The following PRKN variants were observed in gnomAD, a reference collection of about 807,000 sequenced individuals.
PRKN encodes parkin RBR E3 ubiquitin protein ligase.
A neutral mutation model predicts 59.5 loss-of-function variants in PRKN; 56 were observed. The observed-to-expected ratio is 0.94, with a 90% CI of 0.76 to 1.18. The LOEUF is 1.18. PRKN is among the 50% of genes most tolerant of loss of function. PRKN has a pLI of 0.00. For synonymous variants in PRKN, 250 were observed against 222.1 expected, an observed-to-expected ratio of 1.13 and a Z score of -1.12; for missense variants, 657 against 596.4, an observed-to-expected ratio of 1.10 and a Z score of -1.06.
intron 7 of PRKN, among the ~76,000 whole-genome samples, chr6:161,608,318 T>C (rs1782360599): frequency 6.6e-6 from 1 of 152,018 alleles, no homozygotes. Context: ...AATCACTAAA[T>C]CCAAGAAAAA....
intron 2 of PRKN, among the ~76,000 whole-genome samples, chr6:162,328,849 G>C (rs1783433244): frequency 6.6e-6 from 1 of 152,164 alleles, no homozygotes; most frequent in African/African-American, 2.4e-5. Context: ...CTGGGCCAGA[G>C]AGCAGGGGGG....
chr6:161,966,732 G>C (rs1322640679), intron 6 of PRKN, among the ~76,000 whole-genome samples: 1 of 152,250 alleles, frequency 6.6e-6, no homozygotes, highest in Admixed American at 6.5e-5. Flanking sequence ...CACAAGGCTT[G>C]ATGGCCAGAA....
At chr6:162,658,658 C>CAAAAAAAAAAAAAGAAA (rs1778752240) in intron 1 of PRKN, among the ~76,000 whole-genome samples, 1 of 109,108 alleles carries the variant, frequency 9.2e-6, no homozygotes, top group African/African-American at 3.4e-5. Flanking sequence ...GAGACTCTGT[C>CAAAAAAAAAAAAAGAAA]AAAAAAAAAA....
At chr6:162,662,457 T>C (rs1432437077) in intron 1 of PRKN, among the ~76,000 whole-genome samples, 2 of 152,174 alleles carry the variant, frequency 1.3e-5, no homozygotes, top group Non-Finnish European at 2.9e-5. Flanking sequence ...TTGTTTATGT[T>C]GCATTTCATT....
At chr6:161,958,531 G>GT (rs1780266888) in intron 6 of PRKN, among the ~76,000 whole-genome samples, 2 of 152,182 alleles carry the variant, frequency 1.3e-5, no homozygotes, top group South Asian at 4.2e-4. Context: ...TTAAAACTCT[G>GT]TTTTTTCTTT....
intron 4 of PRKN, among the ~76,000 whole-genome samples, chr6:162,055,745 G>C (rs1777830368): frequency 6.6e-6 from 1 of 152,122 alleles, no homozygotes; most frequent in African/African-American, 2.4e-5. Context: ...GACCCAGCTA[G>C]TGTTTAAGTT....
chr6:162,095,848 C>CAAATT (rs1779702387), intron 4 of PRKN, among the ~76,000 whole-genome samples: 1 of 152,110 alleles, frequency 6.6e-6, no homozygotes, highest in Non-Finnish European at 1.5e-5. Flanking sequence ...CTCAGAGGGC[C>CAAATT]ACAGTTTCCT....
intron 1 of PRKN, among the ~76,000 whole-genome samples, chr6:162,546,100 GTT>G (rs11396761): frequency 1.7e-5 from 2 of 116,646 alleles, no homozygotes; most frequent in East Asian, 2.4e-4. Context: ...AGTGTATGCA[GTT>G]TTTTTTTTTT....
chr6:161,726,446 C>A (rs1049428620), intron 7 of PRKN, among the ~76,000 whole-genome samples: 3 of 152,192 alleles, frequency 2.0e-5, no homozygotes, highest in African/African-American at 7.2e-5. Context: ...ATGGCAGGTG[C>A]TTAGTAAGTG....
chr6:161,998,256 ACTC>A lies in PRKN; in HGVS notation c.619-24842_619-24840del, dbSNP rs1470021356. ...ATTTTCAGCCCATTTATCAGCCTTA[ACTC>A]CTCAAACACACAAAGTAGATACACT... On this transcript the variant is annotated intron_variant, in intron 5 of 11. Transcript: ENST00000366898. 4.6e-5 allele frequency among the ~76,000 whole-genome samples: 7 copies of A among 152,068 alleles called. No homozygotes were observed. In the South Asian group the frequency reaches 1.5e-3, roughly 32 times the overall value.
In PRKN at chr6:161,373,482, G is replaced by C. The variant is rs1785524087; in HGVS notation, c.1168-13277C>G. ...AAATGCAACCCTGGAGAACAGCAGT[G>C]CTGAGCCTAAATGGGCTATGCCTCT... On this transcript the variant is annotated intron_variant, in intron 10 of 11. Transcript: ENST00000366898. This position sits in a 1 kb window ranked among gnomAD's most constrained non-coding sequence, Gnocchi z 4.8. 2.0e-5 allele frequency among the ~76,000 whole-genome samples: 3 copies of C among 152,178 alleles called. No individual in the cohort carries two copies. The highest frequency in any genetic ancestry group is 4.4e-5 in the Non-Finnish European group (3 of 68,042).
chr6:162,651,365 A>G (rs765710305), intron 1 of PRKN, among the ~76,000 whole-genome samples: 1 of 152,190 alleles, frequency 6.6e-6, no homozygotes, highest in Non-Finnish European at 1.5e-5. Context: ...GGAACTCTGT[A>G]AGTCTGAAAA....
intron 9 of PRKN, among the ~76,000 whole-genome samples, chr6:161,435,498 C>T (rs1788839116): frequency 6.6e-6 from 1 of 151,716 alleles, no homozygotes; most frequent in Non-Finnish European, 1.5e-5. Context: ...TGAATATTTA[C>T]AAATATTGGC....
chr6:162,242,122 C>T (rs1215169162), intron 3 of PRKN, among the ~76,000 whole-genome samples: 23 of 152,046 alleles, frequency 1.5e-4, no homozygotes, highest in Admixed American at 1.4e-3. Flanking sequence ...TTTTTCACAA[C>T]CTACAAATTA....
In PRKN at chr6:162,347,332, T is replaced by C. The variant is rs1277722086; in HGVS notation, c.172-84567A>G. ...TGTAAAAGGATCAATTTTTAGTATA[T>C]AGAATTTTTTTTTTATTTTGTATTT... On this transcript the variant is annotated intron_variant, in intron 2 of 11. Coordinates refer to ENST00000366898, the MANE Select transcript of PRKN (RefSeq NM_004562.3). Among the ~76,000 whole-genome samples the C allele has an allele frequency of 8.1e-5, 5 of 61,662 alleles. No individual in the cohort carries two copies. The South Asian group carries it at 1.1e-3, about 13-fold the overall frequency. 40.5% of individuals were successfully genotyped at this position (61,662 alleles called of 152,430 possible). A position where few individuals can be genotyped will look rare whatever the true frequency, so the allele number is the denominator to read the frequency against.
At chr6:161,918,119 A>G (rs1778643512) in intron 6 of PRKN, among the ~76,000 whole-genome samples, 1 of 152,204 alleles carries the variant, frequency 6.6e-6, no homozygotes, top group Admixed American at 6.5e-5. Flanking sequence ...GGGAGTAGAT[A>G]CCAGTCCCCT....
rs140224027 is a variant in PRKN at position 161,826,157 on chromosome 6, C to T, written c.735-40249G>A. On this transcript the variant is annotated intron_variant, in intron 6 of 11. Transcript: ENST00000366898. ...ATTACTGTAGCTATTATCATTACCA[C>T]GAAGATTCATACCAAAACATGTCAG... 6.2e-3 allele frequency among the ~76,000 whole-genome samples: 936 copies of T among 152,154 alleles called. 8 individuals carry two copies. Among genetic ancestry groups the T allele is most frequent in the African/African-American group, 0.022 (893 of 41,498 alleles).
At chr6:162,306,809 C>T (rs1782249068) in intron 2 of PRKN, among the ~76,000 whole-genome samples, 2 of 152,134 alleles carry the variant, frequency 1.3e-5, no homozygotes, top group Non-Finnish European at 2.9e-5. Context: ...CGAGGCAGAG[C>T]TAAGAGCAAC....
chr6:161,674,082 G>A (rs771532020), intron 7 of PRKN, among the ~76,000 whole-genome samples: 16 of 152,060 alleles, frequency 1.1e-4, no homozygotes, highest in East Asian at 7.7e-4. Flanking sequence ...GACTACCTAC[G>A]GAGGGAATAC....
Sources: gnomAD v4.1 joint callset for allele counts (sites outside exome capture counted in the v4.1 genomes callset) on GRCh38, gnomAD v4.1.1 for gene constraint, Gnocchi (gnomAD v3.1) non-coding constraint, MANE v1.5 for transcripts, NCBI Gene and HGNC (gene_info 2026-07-23, HGNC 2026-07-21) for gene names.